CDC42BPA: variants seen among roughly 807,000 people sequenced by gnomAD.
The protein encoded by CDC42BPA is CDC42 binding protein kinase alpha, also known as serine/threonine-protein kinase MRCK alpha.
A neutral mutation model predicts 223.5 loss-of-function variants in CDC42BPA; 80 were observed. The observed-to-expected ratio is 0.36, with a 90% CI of 0.30 to 0.43. The LOEUF is 0.43. CDC42BPA is among the 20% of genes least tolerant of loss of function. The pLI is 1.00. For missense variants in CDC42BPA, 1,743 were observed against 2,099.9 expected (o/e 0.83, Z 3.32); for synonymous variants, 694 against 718.6 (o/e 0.97, Z 0.55).
At chr1:227,254,932 A>T (rs2148294080) in intron 1 of CDC42BPA, among the ~76,000 whole-genome samples, 1 of 152,296 alleles carries the variant, frequency 6.6e-6, no homozygotes, top group East Asian at 1.9e-4. Context: ...GCAAATGAAG[A>T]GAGGCGAGGA....
intron 10 of CDC42BPA, among the ~76,000 whole-genome samples, chr1:227,129,666 CAAAAAAAAAAAA>C (rs569879499): frequency 1.5e-4 from 5 of 33,918 alleles, no homozygotes; most frequent in Non-Finnish European, 1.4e-4. Context: ...GACTGTATCT[CAAAAAAAAAAAA>C]AAAAAAAAAA....
intron 2 of CDC42BPA, among the ~76,000 whole-genome samples, chr1:227,229,972 C>G (rs1263799305): frequency 6.6e-6 from 1 of 152,188 alleles, no homozygotes; most frequent in Non-Finnish European, 1.5e-5. Flanking sequence ...TTGATTGCAA[C>G]TGAGTTTCTG....
chr1:227,298,673 C>T (rs1237724733), intron 1 of CDC42BPA, among the ~76,000 whole-genome samples: 1 of 152,164 alleles, frequency 6.6e-6, no homozygotes, highest in African/African-American at 2.4e-5. Context: ...AAAAAGCTTG[C>T]TGCATTCTGG....
chr1:227,125,554 G>A (rs1354326973), intron 11 of CDC42BPA, among the ~76,000 whole-genome samples: 4 of 147,980 alleles, frequency 2.7e-5, no homozygotes, highest in Non-Finnish European at 4.4e-5. Flanking sequence ...CTGAGATCGC[G>A]TCACTGCACT....
intron 5 of CDC42BPA, among the ~76,000 whole-genome samples, chr1:227,186,303 A>G (rs983703650): frequency 6.6e-6 from 1 of 152,206 alleles, no homozygotes; most frequent in Non-Finnish European, 1.5e-5. Flanking sequence ...AGAAAAGAGA[A>G]TATCTGCTGC....
intron 14 of CDC42BPA, among the ~76,000 whole-genome samples, chr1:227,109,442 T>C (rs775574418): frequency 6.6e-6 from 1 of 152,156 alleles, no homozygotes; most frequent in Admixed American, 6.6e-5. Flanking sequence ...CTCAGCTTAC[T>C]GCAATCTCTG....
chr1:227,074,152 G>T, intron 18 of CDC42BPA, 107 bp downstream of exon 18: 1 of 1,330,278 alleles, frequency 7.5e-7, no homozygotes. Flanking sequence ...TCTTTAGTAG[G>T]CTCAAAGTCT....
chr1:227,126,573 T>G (rs564970676), intron 11 of CDC42BPA, among the ~76,000 whole-genome samples: 1 of 151,664 alleles, frequency 6.6e-6, no homozygotes, highest in African/African-American at 2.4e-5. Flanking sequence ...ATATCCTTCA[T>G]GTATATAGAT....
intron 6 of CDC42BPA, among the ~76,000 whole-genome samples, chr1:227,152,030 A>T (rs1558622964): frequency 6.6e-6 from 1 of 152,136 alleles, no homozygotes; most frequent in Non-Finnish European, 1.5e-5. Context: ...CTCTAAAATA[A>T]AATAAAATAC....
At chr1:227,033,078 T>C (rs541076664) in intron 27 of CDC42BPA, among the ~76,000 whole-genome samples, 158 of 152,310 alleles carry the variant, frequency 1.0e-3, no homozygotes, top group African/African-American at 3.3e-3. Context: ...TATTTAAAAA[T>C]TGAATTGGAA....
chr1:227,000,907 G>C (rs1234612925), intron 35 of CDC42BPA, among the ~76,000 whole-genome samples: 1 of 152,120 alleles, frequency 6.6e-6, no homozygotes, highest in African/African-American at 2.4e-5. Flanking sequence ...ACTGTACTCA[G>C]GATACAGCCC....
chr1:227,215,265 T>C (rs1440271431), intron 2 of CDC42BPA, among the ~76,000 whole-genome samples: 1 of 152,212 alleles, frequency 6.6e-6, no homozygotes, highest in African/African-American at 2.4e-5. Context: ...CTAGCATTTA[T>C]TGTGGCTGTT....
Position 227,179,659 on chromosome 1 carries a change from A to AAAAG in CDC42BPA, c.599+14126_599+14127insCTTT, listed in dbSNP as rs1216438998. Among the ~76,000 whole-genome samples, 3 of 146,976 alleles carry AAAAG rather than the reference A, an allele frequency of 2.0e-5. 1 individual carries two copies. Among genetic ancestry groups the AAAAG allele is most frequent in the African/African-American group, 7.9e-5 (3 of 38,102 alleles). On this transcript the variant is annotated intron_variant, in intron 5 of 36. Coordinates refer to ENST00000366766, the MANE Select transcript of CDC42BPA (RefSeq NM_001394014.1). Reference sequence around the variant, plus strand: ...TCAAAAAAAAAAAAAAAAAAAAAAAAAGCTATTTTAAAAGACTATTTACAA... The same window carrying AAAAG: ...TCAAAAAAAAAAAAAAAAAAAAAAAAAAAGAGCTATTTTAAAAGACTATTTACAA...
intron 1 of CDC42BPA, among the ~76,000 whole-genome samples, chr1:227,288,765 C>T (rs144280357): frequency 0.098 from 14,853 of 151,980 alleles, 1,169 homozygotes; most frequent in East Asian, 0.36. Flanking sequence ...AAGGCTGAGG[C>T]GGGCAGATCA....
chr1:227,023,389 AAAATT>A (rs1260069629), intron 31 of CDC42BPA, 42 bp from the exon 32 acceptor site: 1 of 1,071,642 alleles, frequency 9.3e-7, no homozygotes, highest in Non-Finnish European at 1.4e-6. Context: ...AAAACCTTTA[AAAATT>A]AAATTATAAA....
In CDC42BPA at chr1:227,031,435, T is replaced by A; in HGVS notation, c.3638A>T (p.Lys1213Met). Residue 1213 changes from lysine to methionine, a missense_variant, in exon 28 of 37, where the codon AAG (lysine) becomes ATG (methionine). This residue lies in a region of CDC42BPA where 678 missense variants were observed against 777.5 expected (regional missense o/e 0.87). Transcript: ENST00000366766. ...CAATTCACTCAGCACTCCCACCCAC[T>A]TATTCTTCTCATTCTCAGTGTCTGC... Reference protein sequence around the residue: ...MLADTENEKNKWVGVLSELHK... With the variant: ...MLADTENEKNMWVGVLSELHK... 1 of 1,614,114 alleles carries A rather than the reference T, an allele frequency of 6.2e-7. No homozygotes were observed. The highest frequency in any genetic ancestry group is 8.5e-7 in the Non-Finnish European group (1 of 1,179,980).
rs114565442 is a variant in CDC42BPA, at chr1:227,037,255, G to C, written c.3200-1648C>G. Among the ~76,000 whole-genome samples the C allele has an allele frequency of 9.3e-3, 1,423 of 152,194 alleles. 27 individuals are homozygous for C. Among genetic ancestry groups the C allele is most frequent in the Admixed American group, 0.011 (172 of 15,280 alleles). ...TCACACCTTCCTAGTCAACAATACA[G>C]GCGATTCCTTCTCAGGTTAACTTGG... On this transcript the variant is annotated intron_variant, in intron 24 of 36. Coordinates refer to ENST00000366766, the MANE Select transcript of CDC42BPA (RefSeq NM_001394014.1).
rs1023028273 is a variant in CDC42BPA at position 226,994,189 on chromosome 1, G to A, written c.*79C>T. 42 of 1,431,060 alleles carry A rather than the reference G, an allele frequency of 2.9e-5. No individual in the cohort carries two copies. The highest frequency in any genetic ancestry group is 3.7e-5 in the Non-Finnish European group (39 of 1,052,902). 88.6% of individuals were successfully genotyped at this position (1,431,060 alleles called of 1,614,324 possible). A position where few individuals can be genotyped will look rare whatever the true frequency, so the allele number is the denominator to read the frequency against. On this transcript the variant is annotated 3_prime_UTR_variant, in exon 37 of 37. Coordinates refer to ENST00000366766, the MANE Select transcript of CDC42BPA (RefSeq NM_001394014.1). This position sits in a 1 kb window ranked among gnomAD's most constrained non-coding sequence, Gnocchi z 4.0. ...CTGGTGGCTTTCAGGCCGAGCAGGC[G>A]AGGTGGAGGGAAGAGATGAAAGTGA... is the stretch of plus-strand genomic sequence containing the variant.
At chr1:227,075,469 G>A (rs1013460605) in intron 17 of CDC42BPA, among the ~76,000 whole-genome samples, 3 of 152,240 alleles carry the variant, frequency 2.0e-5, no homozygotes, top group Middle Eastern at 3.4e-3. Flanking sequence ...GATTGTCTTT[G>A]GAGTATAAGC....
Sources: gnomAD v4.1 joint callset for allele counts (sites outside exome capture counted in the v4.1 genomes callset) on GRCh38, gnomAD v4.1.1 for gene constraint, gnomAD v4.1.1 regional missense constraint, Gnocchi (gnomAD v3.1) non-coding constraint, MANE v1.5 for transcripts, NCBI Gene and HGNC (gene_info 2026-07-23, HGNC 2026-07-21) for gene names.